The following GRIK4 variants were observed in gnomAD, a reference collection of about 807,000 sequenced individuals.
The protein encoded by GRIK4 is glutamate ionotropic receptor kainate type subunit 4.
GRIK4 carries 40 observed loss-of-function variants against 104.9 expected under a neutral mutation model. The ratio of observed to expected loss-of-function variants is 0.38; its 90% CI spans 0.30 to 0.50. The LOEUF is 0.50. Ranked by LOEUF, GRIK4 falls within the 20% of genes least tolerant of loss-of-function variation. The pLI, the probability that GRIK4 is intolerant of heterozygous loss-of-function variation, is 0.93. For missense variants in GRIK4, 1,047 were observed against 1,308.1 expected (o/e 0.80, Z 3.08); for synonymous variants, 485 against 524.9 (o/e 0.92, Z 1.04).
chr11:120,644,113 T>G (rs1040534197), intron 1 of GRIK4, among the ~76,000 whole-genome samples: 1 of 151,956 alleles, frequency 6.6e-6, no homozygotes, highest in African/African-American at 2.4e-5. Flanking sequence ...TGTGTATGTG[T>G]GTACAGTTCT....
chr11:120,836,745 G>C (rs1457605369), intron 7 of GRIK4, 46 bp from the exon 8 acceptor site: 1 of 1,335,420 alleles, frequency 7.5e-7, no homozygotes, highest in African/African-American at 1.4e-5. Flanking sequence ...TTTGCTTCAA[G>C]TGAGTTTTTG....
rs534074182 is a variant in GRIK4, at chr11:120,632,370, A to G, written c.-158-21315A>G. On this transcript the variant is annotated intron_variant, in intron 1 of 20. Transcript: ENST00000527524. Reference sequence around the variant, plus strand: ...ACTACGACATCCACCTCATAGATTTATAAGGCTGAATTGAGATAATGAGTA... The same window carrying G: ...ACTACGACATCCACCTCATAGATTTGTAAGGCTGAATTGAGATAATGAGTA... 8.5e-5 allele frequency among the ~76,000 whole-genome samples: 13 copies of G among 152,296 alleles called. No individual in the cohort carries two copies. The South Asian group carries it at 2.5e-3, about 29-fold the overall frequency.
intron 1 of GRIK4, among the ~76,000 whole-genome samples, chr11:120,590,365 A>G (rs1240581327): frequency 6.6e-6 from 1 of 152,164 alleles, no homozygotes; most frequent in Non-Finnish European, 1.5e-5. Context: ...TCTGAATTGG[A>G]ATGAAATTGT....
chr11:120,850,796 C>CATTATTATT (rs60692595), intron 8 of GRIK4, among the ~76,000 whole-genome samples: 14,239 of 144,700 alleles, frequency 0.098, 770 homozygotes, highest in South Asian at 0.15. Flanking sequence ...TGGCAAATCA[C>CATTATTATT]ATTATTATTA....
rs561617667 is a variant in GRIK4 at position 120,928,668 on chromosome 11, G to A, written c.1477-11679G>A. Among the ~76,000 whole-genome samples the A allele has an allele frequency of 5.3e-5, 8 of 152,220 alleles. No homozygotes were observed. In the South Asian group the frequency reaches 1.2e-3, roughly 24 times the overall value. The stretch of plus-strand genomic sequence containing the variant: ...CCCCTTCTTTCCTTAGCGCTGGTTC[G>A]TTCCTAAAATCTGCCCTCTATAGGC... On this transcript the variant is annotated intron_variant, in intron 13 of 20. Transcript: ENST00000527524.
intron 5 of GRIK4, among the ~76,000 whole-genome samples, chr11:120,815,961 C>T (rs1952947133): frequency 6.6e-6 from 1 of 152,196 alleles, no homozygotes; most frequent in Non-Finnish European, 1.5e-5. Context: ...TATAAGTTCT[C>T]TAGAAAAGAG....
chr11:120,623,762 C>G (rs1216215239), intron 1 of GRIK4, among the ~76,000 whole-genome samples: 1 of 152,082 alleles, frequency 6.6e-6, no homozygotes, highest in Admixed American at 6.5e-5. Context: ...AAGTGAGGTA[C>G]CCTCAAAGGC....
rs894134834 is a variant in GRIK4 at position 120,953,257 on chromosome 11, C to T, written c.1700+293C>T. On this transcript the variant is annotated intron_variant, in intron 15 of 20. Transcript: ENST00000527524. The surrounding 1 kb of genome is among the most constrained non-coding windows in gnomAD (Gnocchi z 4.9). The stretch of plus-strand genomic sequence containing the variant: ...TTCTCCCCAGACCCCCACCTAAGCC[C>T]CTTGCTTGTGTAGGAGCCCTGGGAA... Among the ~76,000 whole-genome samples the T allele has an allele frequency of 2.0e-5, 3 of 152,166 alleles. No homozygotes were observed. Among genetic ancestry groups the T allele is most frequent in the Non-Finnish European group, 2.9e-5 (2 of 68,034 alleles).
At chr11:120,600,724 T>C (rs1765464712) in intron 1 of GRIK4, among the ~76,000 whole-genome samples, 1 of 152,232 alleles carries the variant, frequency 6.6e-6, no homozygotes, top group South Asian at 2.1e-4. Context: ...AATCTGTAGC[T>C]TTGTTCTGAT....
rs778312712 is a variant in GRIK4 at position 120,952,870 on chromosome 11, T to C, written c.1606T>C (p.Tyr536His). 1.1e-5 allele frequency: 17 copies of C among 1,613,076 alleles called. No homozygotes were observed. The highest frequency in any genetic ancestry group is 1.3e-5 in the African/African-American group (1 of 74,880). ...CCATTTCCAGGGACGCAAACCCGGC[T>C]ATTTCTCCTTCCTGGACCCATTTTC... ...YRVHMGRKPG[Y>H]FSFLDPFSPG... The change falls in exon 15 of 21, where the codon TAT becomes CAT. Residue 536 changes from tyrosine to histidine, a missense_variant. By Grantham distance (83) the Tyr-to-His change is moderately conservative. This residue lies in a region of GRIK4 where 440 missense variants were observed against 652.3 expected (regional missense o/e 0.67). Coordinates refer to ENST00000527524, the MANE Select transcript of GRIK4 (RefSeq NM_014619.5). The surrounding 1 kb of genome is among the most constrained non-coding windows in gnomAD (Gnocchi z 5.2).
At chr11:120,594,811 G>C (rs980425898) in intron 1 of GRIK4, among the ~76,000 whole-genome samples, 8 of 152,210 alleles carry the variant, frequency 5.3e-5, no homozygotes, top group African/African-American at 1.9e-4. Flanking sequence ...ACTGATTGGG[G>C]TAAGTGGTGG....
intron 3 of GRIK4, among the ~76,000 whole-genome samples, chr11:120,699,823 G>A (rs1183727217): frequency 6.6e-6 from 1 of 152,168 alleles, no homozygotes; most frequent in Non-Finnish European, 1.5e-5. Context: ...GGCAGGAATG[G>A]GCCTGGCCAG....
chr11:120,960,645 T>C (rs752641081), intron 16 of GRIK4, among the ~76,000 whole-genome samples: 12 of 152,208 alleles, frequency 7.9e-5, no homozygotes, highest in Admixed American at 1.3e-4. Context: ...GGACTACACC[T>C]CTTTTGAATA....
At chr11:120,741,489 A>G (rs1276718488) in intron 3 of GRIK4, among the ~76,000 whole-genome samples, 6 of 151,952 alleles carry the variant, frequency 3.9e-5, no homozygotes, top group African/African-American at 1.2e-4. Context: ...CATTTTAGCC[A>G]GGATGGTCTA....
chr11:120,619,985 A>G (rs1460857368), intron 1 of GRIK4: 4 of 500,078 alleles, frequency 8.0e-6, no homozygotes, highest in African/African-American at 3.9e-5. Context: ...TTTCAGTGTA[A>G]TTGGGAGTTT....
chr11:120,876,371 T>TCATCACCACCACC (rs1954813537), intron 11 of GRIK4, among the ~76,000 whole-genome samples: 1 of 714 alleles, frequency 1.4e-3, no homozygotes, highest in Non-Finnish European at 2.8e-3. Flanking sequence ...TCACTACCAC[T>TCATCACCACCACC]ACCATCACCA....
chr11:120,888,832 C>T (rs1955192406), intron 11 of GRIK4, among the ~76,000 whole-genome samples: 1 of 152,176 alleles, frequency 6.6e-6, no homozygotes, highest in Non-Finnish European at 1.5e-5. Flanking sequence ...AAATGCATGT[C>T]TTGACCCACT....
intron 8 of GRIK4, among the ~76,000 whole-genome samples, chr11:120,855,157 A>G (rs1954070549): frequency 6.6e-6 from 1 of 152,184 alleles, no homozygotes; most frequent in Admixed American, 6.5e-5. Flanking sequence ...AGATTTTACT[A>G]GGGGCGGCTG....
chr11:120,858,116 AC>A (rs749187568), intron 8 of GRIK4: 2 of 152,124 alleles, frequency 1.3e-5, no homozygotes, highest in Non-Finnish European at 2.9e-5. Context: ...CCCCATGAGA[AC>A]CTGTTCCACC....
Sources: gnomAD v4.1 joint callset for allele counts (sites outside exome capture counted in the v4.1 genomes callset) on GRCh38, gnomAD v4.1.1 for gene constraint, gnomAD v4.1.1 regional missense constraint, Gnocchi (gnomAD v3.1) non-coding constraint, MANE v1.5 for transcripts, NCBI Gene and HGNC (gene_info 2026-07-23, HGNC 2026-07-21) for gene names.